The following TRAPPC10 variants were observed in gnomAD, a reference collection of about 807,000 sequenced individuals.
TRAPPC10 encodes the protein trafficking protein particle complex subunit 10, also known as TRAPP 130 kDa subunit.
Under a neutral mutation model 125.5 loss-of-function variants are expected in TRAPPC10, and 23 were observed. That is an observed-to-expected ratio of 0.18 (90% CI 0.13 to 0.26). The LOEUF is 0.26. Among genes scored for constraint, TRAPPC10 ranks in the 10% least tolerant of loss-of-function variants. TRAPPC10 has a pLI of 1.00. For synonymous variants in TRAPPC10, 509 were observed against 518.0 expected, an observed-to-expected ratio of 0.98 and a Z score of 0.24; for missense variants, 1,123 against 1,308.4, an observed-to-expected ratio of 0.86 and a Z score of 2.19.
In TRAPPC10 at chr21:44,087,741, A is replaced by T. The variant is rs577569754; in HGVS notation, c.2582A>T (p.Lys861Met). Residue 861 changes from lysine to methionine, a missense_variant, in exon 17 of 23, where the codon AAG (lysine) becomes ATG (methionine). Lys to Met is a moderately conservative substitution (Grantham distance 95). This residue lies in a region of TRAPPC10 where 840 missense variants were observed against 902.0 expected (regional missense o/e 0.93). Transcript: ENST00000291574. The surrounding 1 kb of genome is among the most constrained non-coding windows in gnomAD (Gnocchi z 4.6). The stretch of plus-strand genomic sequence containing the variant: ...GCGCTCCGGATTCAGTCCTCCGACA[A>T]GGTCACGAGCATCAGTCTGCCTGTT... ...EAALRIQSSD[K>M]VTSISLPVAP... 10 of 1,614,190 alleles carry T rather than the reference A, an allele frequency of 6.2e-6. No homozygotes were observed. The highest frequency in any genetic ancestry group is 8.5e-6 in the Non-Finnish European group (10 of 1,180,042).
intron 15 of TRAPPC10, among the ~76,000 whole-genome samples, chr21:44,086,329 G>A (rs1266252430): frequency 6.6e-6 from 1 of 152,222 alleles, no homozygotes; most frequent in Non-Finnish European, 1.5e-5. Context: ...GTGAGGGGGA[G>A]CCACCTGACT....
chr21:44,067,990 G>T (rs889546062), intron 7 of TRAPPC10, among the ~76,000 whole-genome samples: 10 of 151,990 alleles, frequency 6.6e-5, no homozygotes, highest in Non-Finnish European at 1.0e-4. Flanking sequence ...CGTGATGGCA[G>T]GCGCCTGTAA....
chr21:44,057,162 G>A (rs755503513), intron 5 of TRAPPC10, among the ~76,000 whole-genome samples: 1 of 152,142 alleles, frequency 6.6e-6, no homozygotes, highest in African/African-American at 2.4e-5. Context: ...GGCTGCCAGG[G>A]GCTGGCAGAG....
intron 13 of TRAPPC10, among the ~76,000 whole-genome samples, chr21:44,080,560 CAG>C (rs1359503008): frequency 1.3e-5 from 2 of 149,922 alleles, no homozygotes; most frequent in Non-Finnish European, 3.0e-5. Flanking sequence ...TTTTTTGAGA[CAG>C]AGTCTCGCTC....
chr21:44,051,941 C>T (rs1246959566), intron 3 of TRAPPC10, among the ~76,000 whole-genome samples: 1 of 152,172 alleles, frequency 6.6e-6, no homozygotes, highest in East Asian at 1.9e-4. Context: ...CCATAGTGGG[C>T]CTGGGTTTTA....
chr21:44,068,069 G>A lies in TRAPPC10; in HGVS notation c.1038+4284G>A, dbSNP rs1422285717. 4.0e-5 allele frequency among the ~76,000 whole-genome samples: 6 copies of A among 150,076 alleles called. No individual in the cohort carries two copies. The East Asian group carries it at 5.9e-4, about 15-fold the overall frequency. On this transcript the variant is annotated intron_variant, in intron 7 of 22. Coordinates refer to ENST00000291574, the MANE Select transcript of TRAPPC10 (RefSeq NM_003274.5). ...TGGGAGGCAGAGGTTGCAGTGAGCC[G>A]AGATCATGCCACTGCACTCCAACTG...
At chr21:44,038,264 G>A (rs1341429727) in intron 3 of TRAPPC10, among the ~76,000 whole-genome samples, 3 of 152,200 alleles carry the variant, frequency 2.0e-5, no homozygotes, top group Non-Finnish European at 4.4e-5. Context: ...GTGGCGCCGA[G>A]CGTGGTCGTG....
At chr21:44,048,109 G>A (rs890309556) in intron 3 of TRAPPC10, among the ~76,000 whole-genome samples, 2 of 152,170 alleles carry the variant, frequency 1.3e-5, no homozygotes, top group East Asian at 1.9e-4. Flanking sequence ...GCCTCTGATC[G>A]TGTCTGCGGG....
intron 1 of TRAPPC10, among the ~76,000 whole-genome samples, chr21:44,022,556 C>T (rs150227095): frequency 5.3e-5 from 8 of 149,614 alleles, no homozygotes; most frequent in South Asian, 2.1e-4. Flanking sequence ...TCAGGTGATC[C>T]GCCCACCTTT....
chr21:44,039,816 A>C (rs530345333), intron 3 of TRAPPC10, among the ~76,000 whole-genome samples: 132 of 152,320 alleles, frequency 8.7e-4, no homozygotes, highest in African/African-American at 2.9e-3. Flanking sequence ...GTGAGCCGAG[A>C]TCGTGCTACT....
chr21:44,019,075 A>C (rs907115770), intron 1 of TRAPPC10, among the ~76,000 whole-genome samples: 1 of 150,796 alleles, frequency 6.6e-6, no homozygotes, highest in Non-Finnish European at 1.5e-5. Context: ...TTTTTTTTTT[A>C]AGACATGGTC....
intron 7 of TRAPPC10, among the ~76,000 whole-genome samples, chr21:44,073,204 C>T (rs901532996): frequency 6.6e-6 from 1 of 152,088 alleles, no homozygotes; most frequent in Non-Finnish European, 1.5e-5. Context: ...CATTTGATGG[C>T]ACTCTTTGGT....
intron 1 of TRAPPC10, among the ~76,000 whole-genome samples, chr21:44,031,140 A>G (rs2033547957): frequency 6.6e-6 from 1 of 152,210 alleles, no homozygotes; most frequent in African/African-American, 2.4e-5. Flanking sequence ...GTGACTTGAC[A>G]TTATTATATG....
Position 44,087,822 on chromosome 21 carries a change from C to T in TRAPPC10, c.2663C>T (p.Ala888Val). 1.2e-6 allele frequency: 2 copies of T among 1,614,228 alleles called. No homozygotes were observed. The highest frequency in any genetic ancestry group is 1.7e-6 in the Non-Finnish European group (2 of 1,180,036). ...CTGGAAGTTCTCTCTTTACCTTCAG[C>T]CCCAGCACTCGGAGGGGAGAGTGAC... is the stretch of plus-strand genomic sequence containing the variant. ...FELEVLSLPS[A>V]PALGGESDML... Residue 888 changes from alanine (A) to valine (V), a missense_variant, in exon 17 of 23, where the codon GCC becomes GTC. Around this residue, in one of 4 missense-constraint regions of TRAPPC10, gnomAD observed 840 missense variants for 902.0 expected, o/e 0.93. Transcript: ENST00000291574. This position sits in a 1 kb window ranked among gnomAD's most constrained non-coding sequence, Gnocchi z 4.6.
At chr21:44,071,237 G>A (rs1053121918) in intron 7 of TRAPPC10, among the ~76,000 whole-genome samples, 3 of 152,182 alleles carry the variant, frequency 2.0e-5, no homozygotes, top group Non-Finnish European at 4.4e-5. Flanking sequence ...GATCTTGACC[G>A]GGAAAAGGGA....
In TRAPPC10 at chr21:44,087,590, C is replaced by T. The variant is rs368298598; in HGVS notation, c.2540-109C>T. On this transcript the variant is annotated intron_variant, in intron 16 of 22. Transcript: ENST00000291574. The surrounding 1 kb of genome is among the most constrained non-coding windows in gnomAD (Gnocchi z 4.6). ...GGTTTGCCTGCCAGGTGCGCAGGAG[C>T]GGGAGAGGTTGAGCAGTGGCCTCAC... The T allele has an allele frequency of 7.4e-5, 70 of 946,332 alleles. No homozygotes were observed. The highest frequency in any genetic ancestry group is 4.8e-4 in the African/African-American group (30 of 62,496). The allele number at this position is 946,332 out of a possible 1,614,324, so 58.6% of individuals were successfully genotyped here. A position where few individuals can be genotyped will look rare whatever the true frequency, so the allele number is the denominator to read the frequency against.
intron 3 of TRAPPC10, chr21:44,046,787 C>T (rs185247112): frequency 2.4e-4 from 120 of 508,314 alleles, no homozygotes; most frequent in African/African-American, 2.2e-3. Context: ...GGATTACAGG[C>T]ATAAGCCACC....
chr21:44,091,892 C>G, intron 18 of TRAPPC10, 31 bp from the exon 19 acceptor site: 1 of 1,605,924 alleles, frequency 6.2e-7, no homozygotes, highest in Non-Finnish European at 8.5e-7. Flanking sequence ...TCTTACATAT[C>G]AAAATAATAC....
intron 2 of TRAPPC10, among the ~76,000 whole-genome samples, chr21:44,036,992 G>T (rs1164436681): frequency 6.6e-6 from 1 of 152,110 alleles, no homozygotes; most frequent in Non-Finnish European, 1.5e-5. Flanking sequence ...AACTAGAGCC[G>T]GCAAGTAGAA....
Sources: allele counts gnomAD v4.1 joint callset (sites outside exome capture counted in the v4.1 genomes callset), GRCh38; gene constraint gnomAD v4.1.1; regional missense constraint gnomAD v4.1.1; non-coding constraint Gnocchi (gnomAD v3.1); transcripts MANE v1.5; gene names NCBI Gene and HGNC (gene_info 2026-07-23, HGNC 2026-07-21).